DLGAP5: variants seen among roughly 807,000 people sequenced by gnomAD.
DLGAP5 encodes disks large-associated protein 5.
Under a neutral mutation model 99.6 loss-of-function variants are expected in DLGAP5, and 90 were observed. The ratio of observed to expected loss-of-function variants is 0.90; its 90% CI spans 0.76 to 1.08. The LOEUF is 1.08. Among genes scored for constraint, DLGAP5 ranks in the 50% least tolerant of loss-of-function variants. The pLI is 0.00. For missense variants in DLGAP5, 1,036 were observed against 983.5 expected (o/e 1.05, Z -0.71); for synonymous variants, 311 against 321.3 (o/e 0.97, Z 0.34).
At chr14:55,158,888 T>G in intron 13 of DLGAP5, 147 bp from the exon 14 acceptor site, 1 of 642,632 alleles carries the variant, frequency 1.6e-6, no homozygotes, top group Non-Finnish European at 2.6e-6. Flanking sequence ...ATTTATCAAG[T>G]TCCTAGTATG....
chr14:55,161,690 G>A (rs1208247781), intron 13 of DLGAP5, among the ~76,000 whole-genome samples: 3 of 150,554 alleles, frequency 2.0e-5, no homozygotes, highest in Admixed American at 6.6e-5. Flanking sequence ...GATTATAGAC[G>A]TGAACCACTG....
chr14:55,182,485 CT>C, intron 3 of DLGAP5, 53 bp from the exon 4 acceptor site: 1 of 1,428,328 alleles, frequency 7.0e-7, no homozygotes, highest in Non-Finnish European at 9.6e-7. Context: ...TAAAGGTTTA[CT>C]TCCATATCTT....
chr14:55,152,210 A>T (rs2140303420), intron 16 of DLGAP5, among the ~76,000 whole-genome samples: 1 of 152,352 alleles, frequency 6.6e-6, no homozygotes, highest in South Asian at 2.1e-4. Flanking sequence ...ATCAAATAGT[A>T]AATATTTTAG....
chr14:55,169,430 A>T lies in DLGAP5; in HGVS notation c.1517T>A (p.Leu506Gln), dbSNP rs771269899. 6.3e-7 allele frequency: 1 copy of T among 1,577,090 alleles called. No homozygotes were observed. The highest frequency in any genetic ancestry group is 8.6e-7 in the Non-Finnish European group (1 of 1,165,192). The change falls in exon 12 of 19, where the codon CTG (leucine) becomes CAG (glutamine). Residue 506 changes from leucine (L) to glutamine (Q), a missense_variant. By Grantham distance (113) the Leu-to-Gln change is moderately radical (BLOSUM62 -2). Transcript: ENST00000247191. ...RGIKETTCTD[L>Q]DGFWDMVSFQ... is the part of the protein sequence containing the mutation. ...ACTAACCATATCCCAAAATCCATCCAGATCTGTACAGGTAGTCTCCTTTAT... is the reference window on the plus strand; with the variant it reads ...ACTAACCATATCCCAAAATCCATCCTGATCTGTACAGGTAGTCTCCTTTAT...
At chr14:55,165,670 CTA>C (rs970327007) in intron 12 of DLGAP5, among the ~76,000 whole-genome samples, 12 of 152,116 alleles carry the variant, frequency 7.9e-5, no homozygotes, top group Non-Finnish European at 1.2e-4. Flanking sequence ...GTACTGAACC[CTA>C]TATATATGTT....
chr14:55,174,881 G>C (rs1883002942), intron 10 of DLGAP5, among the ~76,000 whole-genome samples: 1 of 152,070 alleles, frequency 6.6e-6, no homozygotes, highest in African/African-American at 2.4e-5. Flanking sequence ...AGTAGAGATG[G>C]GGTTTCACCA....
At chr14:55,166,857 C>T (rs1388290356) in intron 12 of DLGAP5, among the ~76,000 whole-genome samples, 1 of 150,638 alleles carries the variant, frequency 6.6e-6, no homozygotes, top group Non-Finnish European at 1.5e-5. Flanking sequence ...GTAAATTATA[C>T]CTCATATAGC....
intron 1 of DLGAP5, among the ~76,000 whole-genome samples, chr14:55,190,041 G>A (rs939774519): frequency 6.6e-6 from 1 of 152,140 alleles, no homozygotes; most frequent in East Asian, 1.9e-4. Context: ...AAGACTCCAA[G>A]GATTTTAGTA....
chr14:55,158,619 A>T lies in DLGAP5; in HGVS notation c.1776T>A (p.Cys592Ter). 6.2e-7 allele frequency: 1 copy of T among 1,614,184 alleles called. No individual in the cohort carries two copies. Among genetic ancestry groups the T allele is most frequent in the Non-Finnish European group, 8.5e-7 (1 of 1,180,010 alleles). ...GTATCACAGAAACTGCTGTTTCAGC[A>T]CATTCTTCCTGCCTAATTCTCTCTC... Reference protein sequence around the residue: ...AMRERIRQEECAETAVSVIPK... With the variant: ...AMRERIRQEE The change falls in exon 14 of 19, where the codon TGT becomes TGA. Residue 592 changes from cysteine (C) to a stop codon, truncating the protein, a stop_gained. Coordinates refer to ENST00000247191, the MANE Select transcript of DLGAP5 (RefSeq NM_014750.5). LOFTEE classifies it high-confidence loss of function.
At chr14:55,184,311 A>T (rs1024692912) in intron 2 of DLGAP5, among the ~76,000 whole-genome samples, 1 of 152,206 alleles carries the variant, frequency 6.6e-6, no homozygotes, top group African/African-American at 2.4e-5. Flanking sequence ...AATGCTTTTA[A>T]TATTTCTTGT....
At chr14:55,166,482 C>G (rs1336759304) in intron 12 of DLGAP5, among the ~76,000 whole-genome samples, 1 of 152,114 alleles carries the variant, frequency 6.6e-6, no homozygotes, top group Non-Finnish European at 1.5e-5. Flanking sequence ...GTAATCCCAG[C>G]ACTTTGGGAG....
rs754022323 is a variant in DLGAP5 at position 55,181,309 on chromosome 14, A to G, written c.496-12T>C. On this transcript the variant is annotated splice_polypyrimidine_tract_variant and intron_variant, in intron 4 of 18. Coordinates refer to ENST00000247191, the MANE Select transcript of DLGAP5 (RefSeq NM_014750.5). ...CTCTCGTTATCAATCTATTTAAGAG[A>G]TTAGGTGCTATGTGATTTAATTGCA... 3.2e-5 allele frequency: 51 copies of G among 1,607,750 alleles called. 2 individuals are homozygous for G. In the South Asian group the frequency reaches 4.0e-4, roughly 13 times the overall value.
intron 2 of DLGAP5, among the ~76,000 whole-genome samples, chr14:55,187,492 TA>T (rs1217218560): frequency 6.6e-6 from 1 of 152,028 alleles, no homozygotes; most frequent in Non-Finnish European, 1.5e-5. Context: ...CTAATTTTTT[TA>T]TTTTTAGTAG....
chr14:55,188,834 A>C, intron 2 of DLGAP5, 108 bp downstream of exon 2: 1 of 730,792 alleles, frequency 1.4e-6, no homozygotes, highest in Non-Finnish European at 2.2e-6. Flanking sequence ...TTATTTATAG[A>C]ATGGTATTTC....
At position 55,177,112 on chromosome 14, in the gene DLGAP5, G is replaced by T; in HGVS notation, c.999C>A (p.Ala333=). The change falls in exon 8 of 19, where the codon GCC becomes GCA. Residue 333 remains alanine (A), a synonymous_variant. Transcript: ENST00000247191. ...TGTAACTGGGTGTCAAAAAAGCATT[G>T]GCACTTCTGGGAGTCATAGGTGTTA... The part of the protein sequence containing the change: ...YQVTPMTPRS[A]NAFLTPSYTW... 1 of 1,539,556 alleles carries T rather than the reference G, an allele frequency of 6.5e-7. No individual in the cohort carries two copies. The highest frequency in any genetic ancestry group is 8.7e-7 in the Non-Finnish European group (1 of 1,148,866).
At chr14:55,190,312 A>ACACG (rs1566511494) in intron 1 of DLGAP5, among the ~76,000 whole-genome samples, 2 of 151,942 alleles carry the variant, frequency 1.3e-5, no homozygotes, top group African/African-American at 4.8e-5. Flanking sequence ...ACACACACAC[A>ACACG]CACGCACAAA....
chr14:55,173,579 T>C (rs1377249600), intron 10 of DLGAP5, among the ~76,000 whole-genome samples: 1 of 144,812 alleles, frequency 6.9e-6, no homozygotes, highest in East Asian at 1.9e-4. Context: ...TCTCTATAGA[T>C]ATATGTTGTC....
chr14:55,181,968 CAT>C (rs1883292132), intron 4 of DLGAP5, among the ~76,000 whole-genome samples: 1 of 152,168 alleles, frequency 6.6e-6, no homozygotes, highest in Admixed American at 6.5e-5. Flanking sequence ...GATAAAGAGG[CAT>C]ATTATTTCCC....
intron 12 of DLGAP5, 25 bp downstream of exon 12, chr14:55,169,374 A>G (rs763939394): frequency 3.5e-6 from 5 of 1,430,034 alleles, no homozygotes; most frequent in Non-Finnish European, 4.6e-6. Context: ...CTAAGTTAAT[A>G]TATTTGAAAT....
Sources: gnomAD v4.1 joint callset for allele counts (sites outside exome capture counted in the v4.1 genomes callset) on GRCh38, gnomAD v4.1.1 for gene constraint, MANE v1.5 for transcripts, NCBI Gene and HGNC (gene_info 2026-07-23, HGNC 2026-07-21) for gene names.